ANK3: variants seen among roughly 807,000 people sequenced by gnomAD.
ANK3 encodes the protein ankyrin 3.
ANK3 carries 57 observed loss-of-function variants against 370.9 expected under a neutral mutation model. That is an observed-to-expected ratio of 0.15 (90% CI 0.12 to 0.19). The LOEUF is 0.19. Ranked by LOEUF, ANK3 falls within the 10% of genes least tolerant of loss-of-function variation. The probability of loss-of-function intolerance (pLI) is 1.00; values close to 1 mark genes in which losing one functional copy is unlikely to be tolerated. For missense variants in ANK3, 4,439 were observed against 5,302.1 expected (o/e 0.84, Z 5.06); for synonymous variants, 1,929 against 1,946.3 (o/e 0.99, Z 0.23).
chr10:60,142,586 C>T (rs978554483), intron 23 of ANK3, among the ~76,000 whole-genome samples: 1 of 151,276 alleles, frequency 6.6e-6, no homozygotes, highest in Admixed American at 6.6e-5. Context: ...TGTTAAATGA[C>T]TGGTATACAG....
At chr10:60,411,340 C>T (rs1594974884) in intron 2 of ANK3, among the ~76,000 whole-genome samples, 1 of 152,170 alleles carries the variant, frequency 6.6e-6, no homozygotes, top group South Asian at 2.1e-4. Flanking sequence ...TCAAGGCAAC[C>T]TAAACTGAGA....
chr10:60,668,818 C>G (rs566615537), intron 1 of ANK3, among the ~76,000 whole-genome samples: 5 of 152,190 alleles, frequency 3.3e-5, no homozygotes, highest in African/African-American at 1.2e-4. Flanking sequence ...ACGGTGAAAC[C>G]TCATCTCTAC....
intron 2 of ANK3, among the ~76,000 whole-genome samples, chr10:60,538,663 T>A (rs1000103025): frequency 6.6e-6 from 1 of 151,920 alleles, no homozygotes; most frequent in African/African-American, 2.4e-5. Flanking sequence ...ACATTTAACA[T>A]ACACCATGGT....
At chr10:60,664,592 G>A (rs1377713398) in intron 1 of ANK3, among the ~76,000 whole-genome samples, 7 of 152,000 alleles carry the variant, frequency 4.6e-5, no homozygotes, top group Non-Finnish European at 1.0e-4. Context: ...ACCAATGCAG[G>A]CCAAAATGGT....
intron 25 of ANK3, among the ~76,000 whole-genome samples, chr10:60,133,655 G>A (rs1237535742): frequency 6.6e-6 from 1 of 152,168 alleles, no homozygotes; most frequent in African/African-American, 2.4e-5. Context: ...GGGTGCGGTG[G>A]TTCACACCTG....
chr10:60,177,300 T>TGAC (rs1334501158), intron 18 of ANK3, among the ~76,000 whole-genome samples: 8 of 152,224 alleles, frequency 5.3e-5, no homozygotes, highest in African/African-American at 1.9e-4. Flanking sequence ...GCTAATACCT[T>TGAC]GACTGTGATG....
In ANK3 at chr10:60,172,954, C is replaced by G; in HGVS notation, c.2328G>C (p.Thr776=). The change falls in exon 20 of 44, where the codon ACG becomes ACC. Residue 776 remains threonine, a synonymous_variant. Coordinates refer to ENST00000280772, the MANE Select transcript of ANK3 (RefSeq NM_020987.5). ...PLHQAAQQGH[T]HIINVLLQNN... is the part of the protein sequence containing the mutation. ...TCTGAAGTAAGACATTTATTATATG[C>G]GTATGCCCCTGCTGTGCTGCTTGAT... is the stretch of plus-strand genomic sequence containing the variant. 6.2e-7 allele frequency: 1 copy of G among 1,613,848 alleles called. No homozygotes were observed. The highest frequency in any genetic ancestry group is 8.5e-7 in the Non-Finnish European group (1 of 1,179,850).
upstream of ANK3, among the ~76,000 whole-genome samples, chr10:60,394,027 T>C (rs909872052): frequency 6.6e-6 from 1 of 151,544 alleles, no homozygotes; most frequent in Non-Finnish European, 1.5e-5. Flanking sequence ...TGTGTTTTGA[T>C]GAAATGAGAA....
intron 8 of ANK3, among the ~76,000 whole-genome samples, chr10:60,228,754 A>C (rs938187755): frequency 6.6e-6 from 1 of 152,178 alleles, no homozygotes; most frequent in Non-Finnish European, 1.5e-5. Context: ...ATTTAAAAAA[A>C]AATTAGATGT....
intron 1 of ANK3, among the ~76,000 whole-genome samples, chr10:60,617,517 A>C (rs2078281912): frequency 6.6e-6 from 1 of 152,148 alleles, no homozygotes; most frequent in South Asian, 2.1e-4. Flanking sequence ...TAGCTTGTCA[A>C]TATCTATCTT....
intron 2 of ANK3, among the ~76,000 whole-genome samples, chr10:60,446,620 C>T (rs935108273): frequency 2.0e-4 from 31 of 152,142 alleles, no homozygotes; most frequent in African/African-American, 7.0e-4. Flanking sequence ...TGAGCTTTTC[C>T]ATACAGCCAA....
chr10:60,566,277 A>G (rs919440728), intron 2 of ANK3, among the ~76,000 whole-genome samples: 11 of 152,182 alleles, frequency 7.2e-5, no homozygotes, highest in African/African-American at 2.7e-4. Flanking sequence ...AGATACAATA[A>G]TATTGAAATT....
chr10:60,317,121 C>A (rs2047618257), intron 1 of ANK3, among the ~76,000 whole-genome samples: 3 of 151,796 alleles, frequency 2.0e-5, no homozygotes, highest in Non-Finnish European at 4.4e-5. Context: ...TGCATACTAA[C>A]TTTTATTGAA....
At chr10:60,235,973 G>T (rs2097326392) in intron 7 of ANK3, among the ~76,000 whole-genome samples, 1 of 152,012 alleles carries the variant, frequency 6.6e-6, no homozygotes, top group South Asian at 2.1e-4. Context: ...GGCAGAACCA[G>T]GATTCAACTC....
chr10:60,270,115 A>G lies in ANK3; in HGVS notation c.513+16T>C, dbSNP rs2097947824. 6.6e-7 allele frequency: 1 copy of G among 1,515,722 alleles called. No homozygotes were observed. The highest frequency in any genetic ancestry group is 2.1e-5 in the Admixed American group (1 of 48,262). 93.9% of individuals were successfully genotyped at this position (1,515,722 alleles called of 1,614,324 possible). On this transcript the variant is annotated intron_variant, in intron 5 of 43. Coordinates refer to ENST00000280772, the MANE Select transcript of ANK3 (RefSeq NM_020987.5). ...AAATACGTGAACTCACCCACAGGAA[A>G]AAAACAGTATCTTACCTCTGTGGCT...
chr10:60,231,611 T>C (rs2097247529), intron 8 of ANK3, among the ~76,000 whole-genome samples: 3 of 152,192 alleles, frequency 2.0e-5, no homozygotes, highest in South Asian at 4.1e-4. Context: ...TCTGACATTT[T>C]AGCCCGCTCC....
chr10:60,274,165 G>C lies in ANK3; in HGVS notation c.415-3936C>G, dbSNP rs564888013. 2.3e-3 allele frequency among the ~76,000 whole-genome samples: 352 copies of C among 152,106 alleles called. 2 individuals carry two copies. The highest frequency in any genetic ancestry group is 8.1e-3 in the African/African-American group (335 of 41,468). On this transcript the variant is annotated intron_variant, in intron 4 of 43. Coordinates refer to ENST00000280772, the MANE Select transcript of ANK3 (RefSeq NM_020987.5). Reference sequence around the variant, plus strand: ...TTTATTTGTATTTTTGTGGAGATAGGGTCTCACTATGTTGCTGAGGCTAGT... The same window carrying C: ...TTTATTTGTATTTTTGTGGAGATAGCGTCTCACTATGTTGCTGAGGCTAGT...
chr10:60,640,980 C>T (rs557457355), intron 1 of ANK3, among the ~76,000 whole-genome samples: 2 of 139,004 alleles, frequency 1.4e-5, no homozygotes, highest in Admixed American at 7.6e-5. Flanking sequence ...TTCTTATATA[C>T]CAATAACAGA....
At chr10:60,390,745 CACACACACACACACACACACAA>C (rs1184752372), upstream of ANK3, among the ~76,000 whole-genome samples, 5 of 95,034 alleles carry the variant, frequency 5.3e-5, no homozygotes, top group Non-Finnish European at 1.1e-4. Context: ...CACACACACA[CACACACACACACACACACACAA>C]ACAACAATTT....
Sources: allele counts gnomAD v4.1 joint callset (sites outside exome capture counted in the v4.1 genomes callset), GRCh38; gene constraint gnomAD v4.1.1; transcripts MANE v1.5; gene names NCBI Gene and HGNC (gene_info 2026-07-23, HGNC 2026-07-21).